The following LRRC53 variants were observed in gnomAD, a reference collection of about 807,000 sequenced individuals.
The protein encoded by LRRC53 is leucine rich repeat containing 53.
A neutral mutation model predicts 13.6 loss-of-function variants in LRRC53; 25 were observed. The observed-to-expected ratio is 1.83, with a 90% CI of 1.34 to 2.56. The LOEUF (loss-of-function observed/expected upper bound fraction) is 2.56. Among genes scored for constraint, LRRC53 ranks in the 30% most tolerant of loss-of-function variants. The probability of loss-of-function intolerance (pLI) is 0.00; values close to 1 mark genes in which losing one functional copy is unlikely to be tolerated. For missense variants in LRRC53, 527 were observed against 275.8 expected, an observed-to-expected ratio of 1.91 and a Z score of -6.45; for synonymous variants, 204 against 109.8, an observed-to-expected ratio of 1.86 and a Z score of -5.37.
rs1668168968 is a variant in LRRC53 at position 74,475,671 on chromosome 1, G to A, written c.1044C>T (p.Tyr348=). 1 of 715,692 alleles carries A rather than the reference G, an allele frequency of 1.4e-6. No homozygotes were observed. The highest frequency in any genetic ancestry group is 2.7e-5 in the East Asian group (1 of 37,256). 44.3% of individuals were successfully genotyped at this position (715,692 alleles called of 1,614,324 possible). A position where few individuals can be genotyped will look rare whatever the true frequency, so the allele number is the denominator to read the frequency against. Residue 348 remains tyrosine (Y), a synonymous_variant, in exon 4 of 5, where the codon TAC becomes TAT. Coordinates refer to ENST00000294635, the MANE Select transcript of LRRC53 (RefSeq NM_001382280.1). ...GGCAGTTGCAGTATCCCTTAGTGTG[G>A]TAATTTCTTGCCTCATGAGCACACA... ...EPLCAHEARN[Y]HTKGYCNCHL... is the part of the protein sequence containing the mutation.
upstream of LRRC53, among the ~76,000 whole-genome samples, chr1:74,514,925 G>A (rs557423609): frequency 6.6e-6 from 1 of 152,210 alleles, no homozygotes; most frequent in Admixed American, 6.5e-5. Context: ...CTTAATTCAA[G>A]ATGACTTGTG....
At chr1:74,534,484 T>C in the LRRC53 span, among the ~76,000 whole-genome samples, 1 of 152,138 alleles carries the variant, frequency 6.6e-6, no homozygotes, top group African/African-American at 2.4e-5. Flanking sequence ...TGGCAGGCTG[T>C]AGTTTGGAAG....
intron 1 of LRRC53, among the ~76,000 whole-genome samples, chr1:74,512,285 A>G (rs1393400693): frequency 6.6e-6 from 1 of 152,174 alleles, no homozygotes; most frequent in Non-Finnish European, 1.5e-5. Flanking sequence ...AGTGACATAG[A>G]CACAGTAGAG....
the LRRC53 span, among the ~76,000 whole-genome samples, chr1:74,529,525 C>T: frequency 6.6e-6 from 1 of 152,150 alleles, no homozygotes; most frequent in African/African-American, 2.4e-5. Flanking sequence ...GAATTAGATT[C>T]TTTTGCTATA....
intron 1 of LRRC53, among the ~76,000 whole-genome samples, chr1:74,493,671 A>G (rs1054298228): frequency 6.6e-6 from 1 of 152,220 alleles, no homozygotes; most frequent in Non-Finnish European, 1.5e-5. Flanking sequence ...ACTCTGAACT[A>G]CAGATTGCGT....
chr1:74,487,730 G>T (rs1009987954), intron 1 of LRRC53, among the ~76,000 whole-genome samples: 1 of 152,154 alleles, frequency 6.6e-6, no homozygotes, highest in African/African-American at 2.4e-5. Context: ...AGAAAGAAGA[G>T]CATCTACTTT....
chr1:74,528,539 G>A, the LRRC53 span, among the ~76,000 whole-genome samples: 1,781 of 152,210 alleles, frequency 0.012, 19 homozygotes, highest in Non-Finnish European at 0.019. Flanking sequence ...GTACATTCAG[G>A]GACAATGATC....
intron 2 of LRRC53, 66 bp downstream of exon 2, chr1:74,483,196 A>T: frequency 1.4e-6 from 1 of 706,922 alleles, no homozygotes; most frequent in South Asian, 1.5e-5. Flanking sequence ...CAGTACAATG[A>T]AAGGTATGGC....
rs1161730545 is a variant in LRRC53, at chr1:74,470,037, C to T, written c.3585G>A (p.Ala1195=). The change falls in exon 5 of 5, where the codon GCG becomes GCA. Residue 1195 remains alanine (A), a synonymous_variant. Transcript: ENST00000294635. ...EGAMTVETHE[A]LSFLPGLKDS... ...CTTTTAACCCTGGTAAGAAGGAAAG[C>T]GCTTCATGTGTCTCCACTGTCATTG... 2.2e-5 allele frequency: 9 copies of T among 400,538 alleles called. No individual in the cohort carries two copies. In the South Asian group the frequency reaches 3.8e-4, roughly 17 times the overall value. The allele number at this position is 400,538 out of a possible 1,614,324, so 24.8% of individuals were successfully genotyped here.
Position 74,489,246 on chromosome 1 carries a change from G to T in LRRC53, c.-26-5871C>A, listed in dbSNP as rs1668920640. The T allele has an allele frequency of 1.9e-6, 3 of 1,610,886 alleles. No individual in the cohort carries two copies. Among genetic ancestry groups the T allele is most frequent in the Non-Finnish European group, 1.7e-6 (2 of 1,178,680 alleles). ...GTTAGAAGAGTGTCTCTGCAACATTGAGGTAAAAGCTTTAGCTTCTGAAAT... is the reference window on the plus strand; with the variant it reads ...GTTAGAAGAGTGTCTCTGCAACATTTAGGTAAAAGCTTTAGCTTCTGAAAT... On this transcript the variant is annotated intron_variant, in intron 1 of 4. Coordinates refer to ENST00000294635, the MANE Select transcript of LRRC53 (RefSeq NM_001382280.1).
At position 74,471,996 on chromosome 1, in the gene LRRC53, C is replaced by G. The variant is rs35407356; in HGVS notation, c.1626G>C (p.Lys542Asn). ...PCEPEEHYVQ[K>N]IVQKNRSKYD... ...ATTTTGATCTATTTTTTTGTACGAT[C>G]TTTTGTACATAGTGTTCCTCAGGCT... Residue 542 changes from lysine to asparagine, a missense_variant, in exon 5 of 5, where the codon AAG (lysine) becomes AAC (asparagine). By Grantham distance (94) the Lys-to-Asn change is moderately conservative (BLOSUM62 0). Transcript: ENST00000294635. 1.5e-6 allele frequency: 1 copy of G among 651,264 alleles called. No individual in the cohort carries two copies. The highest frequency in any genetic ancestry group is 2.8e-6 in the Non-Finnish European group (1 of 356,918). 40.3% of individuals were successfully genotyped at this position (651,264 alleles called of 1,614,324 possible).
chr1:74,479,765 A>G (rs1275925047), intron 3 of LRRC53, among the ~76,000 whole-genome samples: 1 of 152,250 alleles, frequency 6.6e-6, no homozygotes, highest in Non-Finnish European at 1.5e-5. Context: ...GTTTTTAAAT[A>G]TCTATCTCCT....
chr1:74,471,981 AT>A lies in LRRC53; in HGVS notation c.1640del (p.Asn547IlefsTer12), dbSNP rs758068850. Reference protein sequence around the residue: ...EHYVQKIVQKNRSKYDDPCGL... With the variant: ...EHYVQKIVQKXRSKYDDPCGL... ...CACAAGGATCATCATATTTTGATCT[AT>A]TTTTTTGTACGATCTTTTGTACATA... On this transcript the variant is annotated frameshift_variant, in exon 5 of 5. Coordinates refer to ENST00000294635, the MANE Select transcript of LRRC53 (RefSeq NM_001382280.1). LOFTEE classifies it low-confidence loss of function (END_TRUNC). 2.4e-5 allele frequency: 15 copies of A among 628,864 alleles called. No homozygotes were observed. The highest frequency in any genetic ancestry group is 1.4e-4 in the East Asian group (5 of 36,340). The allele number at this position is 628,864 out of a possible 1,614,324, so 39.0% of individuals were successfully genotyped here.
chr1:74,472,773 G>T (rs935330881), intron 4 of LRRC53, among the ~76,000 whole-genome samples: 1 of 152,026 alleles, frequency 6.6e-6, no homozygotes, highest in African/African-American at 2.4e-5. Flanking sequence ...TAGGTATTTT[G>T]AAATATAGCC....
upstream of LRRC53, among the ~76,000 whole-genome samples, chr1:74,517,130 C>G (rs532010075): frequency 2.2e-4 from 34 of 152,190 alleles, no homozygotes; most frequent in African/African-American, 7.2e-4. Context: ...ATGTATTACA[C>G]AAATCATTCT....
At chr1:74,488,546 G>T (rs1476439511) in intron 1 of LRRC53, among the ~76,000 whole-genome samples, 2 of 152,236 alleles carry the variant, frequency 1.3e-5, no homozygotes, top group East Asian at 1.9e-4. Context: ...AAAATTCCAA[G>T]AATTTTTCCA....
intron 4 of LRRC53, among the ~76,000 whole-genome samples, chr1:74,472,937 A>G (rs1457176120): frequency 2.6e-5 from 4 of 152,174 alleles, no homozygotes; most frequent in African/African-American, 4.8e-5. Flanking sequence ...CATTTACTAA[A>G]GGAAAATAGT....
the LRRC53 span, among the ~76,000 whole-genome samples, chr1:74,518,873 C>CTTTTTTTTTTTTTTTTTTTTTTTTTTTT: frequency 5.0e-5 from 5 of 100,358 alleles, 1 homozygote; most frequent in Non-Finnish European, 7.1e-5. Context: ...TTTTTTTTCC[C>CTTTTTTTTTTTTTTTTTTTTTTTTTTTT]CTTTTTTTTT....
chr1:74,529,275 G>A, the LRRC53 span, among the ~76,000 whole-genome samples: 2 of 152,132 alleles, frequency 1.3e-5, no homozygotes, highest in Non-Finnish European at 2.9e-5. Flanking sequence ...AAATCAAAAT[G>A]TGATGGGACA....
Sources: gnomAD v4.1 joint callset for allele counts (sites outside exome capture counted in the v4.1 genomes callset) on GRCh38, gnomAD v4.1.1 for gene constraint, MANE v1.5 for transcripts, NCBI Gene and HGNC (gene_info 2026-07-23, HGNC 2026-07-21) for gene names.